TRPM3: variants seen among roughly 807,000 people sequenced by gnomAD.
TRPM3 encodes transient receptor potential cation channel subfamily M member 3.
A neutral mutation model predicts 181.2 loss-of-function variants in TRPM3; 77 were observed. The observed-to-expected ratio is 0.42, with a 90% CI of 0.35 to 0.51. The LOEUF is 0.51. Ranked by LOEUF, TRPM3 falls within the 20% of genes least tolerant of loss-of-function variation. TRPM3 has a pLI of 0.01. For missense variants in TRPM3, 1,759 were observed against 2,196.7 expected (o/e 0.80, Z 3.98); for synonymous variants, 745 against 796.4 (o/e 0.94, Z 1.09).
intron 1 of TRPM3, among the ~76,000 whole-genome samples, chr9:71,345,595 G>T (rs1183797375): frequency 6.6e-6 from 1 of 151,904 alleles, no homozygotes; most frequent in Admixed American, 6.6e-5. Context: ...GTCGGGGGGT[G>T]GGGGGCAAGG....
chr9:70,807,741 T>C (rs2091017286), intron 6 of TRPM3, among the ~76,000 whole-genome samples: 1 of 152,134 alleles, frequency 6.6e-6, no homozygotes, highest in Admixed American at 6.5e-5. Flanking sequence ...GAAGGCTCCA[T>C]TCTACCAAAA....
chr9:71,235,041 T>C (rs916227592), intron 1 of TRPM3, among the ~76,000 whole-genome samples: 140 of 152,366 alleles, frequency 9.2e-4, no homozygotes, highest in African/African-American at 3.2e-3. Flanking sequence ...ATCTGGGTCC[T>C]GATGACAGCG....
chr9:71,156,417 ACAC>A (rs1328463681), intron 1 of TRPM3, among the ~76,000 whole-genome samples: 1,461 of 142,682 alleles, frequency 0.01, 23 homozygotes, highest in African/African-American at 0.036. Flanking sequence ...ACACACACAC[ACAC>A]AAGGCTTATC....
intron 9 of TRPM3, among the ~76,000 whole-genome samples, chr9:70,643,740 T>C (rs2058412677): frequency 6.6e-6 from 1 of 152,260 alleles, no homozygotes; most frequent in Admixed American, 6.5e-5. Context: ...CTTTAAAATA[T>C]ACTCATGCCT....
intron 5 of TRPM3, among the ~76,000 whole-genome samples, chr9:70,829,728 A>G (rs371140531): frequency 5.3e-5 from 8 of 152,150 alleles, no homozygotes; most frequent in African/African-American, 1.4e-4. Flanking sequence ...TAGTAATTGC[A>G]TGGAGCAGTA....
chr9:71,138,438 T>A (rs978461473), intron 1 of TRPM3, among the ~76,000 whole-genome samples: 1 of 152,208 alleles, frequency 6.6e-6, no homozygotes, highest in Non-Finnish European at 1.5e-5. Context: ...TACTTTTAAT[T>A]TGCTTTTGGG....
chr9:71,230,275 C>T (rs1209490781), intron 1 of TRPM3, among the ~76,000 whole-genome samples: 6 of 151,844 alleles, frequency 4.0e-5, no homozygotes, highest in Non-Finnish European at 7.4e-5. Flanking sequence ...AACAATTGAA[C>T]TTGTGCAGAT....
At chr9:71,107,272 A>C (rs2069871175) in intron 1 of TRPM3, among the ~76,000 whole-genome samples, 1 of 152,144 alleles carries the variant, frequency 6.6e-6, no homozygotes, top group Non-Finnish European at 1.5e-5. Context: ...AATCTCTAGC[A>C]TGCGTCCTTG....
chr9:71,039,989 C>A (rs982408129), intron 1 of TRPM3, among the ~76,000 whole-genome samples: 14 of 152,162 alleles, frequency 9.2e-5, no homozygotes, highest in African/African-American at 3.4e-4. Flanking sequence ...AAAAACTAAA[C>A]TGTTTCCTTG....
chr9:70,767,777 T>G (rs1490054404), intron 7 of TRPM3, among the ~76,000 whole-genome samples: 2 of 152,152 alleles, frequency 1.3e-5, no homozygotes, highest in African/African-American at 4.8e-5. Flanking sequence ...GCATTGCTCT[T>G]TCCCTGCTGG....
intron 3 of TRPM3, among the ~76,000 whole-genome samples, chr9:70,857,144 T>C (rs950911116): frequency 1.3e-5 from 2 of 152,196 alleles, no homozygotes; most frequent in Non-Finnish European, 2.9e-5. Context: ...TTTGTCTCTA[T>C]GTTCTGACAT....
At chr9:71,307,108 A>C (rs2087420440) in intron 1 of TRPM3, among the ~76,000 whole-genome samples, 1 of 152,104 alleles carries the variant, frequency 6.6e-6, no homozygotes, top group African/African-American at 2.4e-5. Context: ...TTCCTTCTTA[A>C]TCTGGAATGC....
intron 1 of TRPM3, among the ~76,000 whole-genome samples, chr9:70,960,662 C>T (rs1378540178): frequency 6.6e-6 from 1 of 152,154 alleles, no homozygotes; most frequent in Non-Finnish European, 1.5e-5. Flanking sequence ...ATAAAACAAG[C>T]TGAGGCTGTA....
intron 24 of TRPM3, among the ~76,000 whole-genome samples, chr9:70,552,533 G>A (rs1193787107): frequency 6.6e-6 from 1 of 152,180 alleles, no homozygotes; most frequent in Non-Finnish European, 1.5e-5. Context: ...ATTTTGGGTT[G>A]AGATCTCTGG....
intron 6 of TRPM3, among the ~76,000 whole-genome samples, chr9:70,802,027 C>A (rs774580107): frequency 6.6e-6 from 1 of 152,180 alleles, no homozygotes; most frequent in African/African-American, 2.4e-5. Context: ...TTCTGATCAG[C>A]AGGTCTAGAA....
At chr9:70,647,827 T>C (rs2059100278) in intron 9 of TRPM3, among the ~76,000 whole-genome samples, 1 of 152,178 alleles carries the variant, frequency 6.6e-6, no homozygotes, top group African/African-American at 2.4e-5. Context: ...CAAGAACTGA[T>C]AAACAACTTC....
At chr9:71,011,782 G>GTTTTTTT in intron 1 of TRPM3, among the ~76,000 whole-genome samples, 1 of 93,240 alleles carries the variant, frequency 1.1e-5, no homozygotes, top group Non-Finnish European at 2.2e-5. Context: ...TTTTTTTTTT[G>GTTTTTTT]TTTTTTTGTT....
intron 1 of TRPM3, among the ~76,000 whole-genome samples, chr9:71,098,978 C>A (rs574933894): frequency 6.6e-6 from 1 of 152,130 alleles, no homozygotes; most frequent in Non-Finnish European, 1.5e-5. Flanking sequence ...GCTACTCACA[C>A]GAGGAGGAAG....
chr9:71,261,895 C>A (rs764744229), intron 1 of TRPM3, among the ~76,000 whole-genome samples: 21 of 152,186 alleles, frequency 1.4e-4, no homozygotes, highest in Non-Finnish European at 2.2e-4. Flanking sequence ...CAGAGGGGCA[C>A]CTGCCAGATG....
Sources: allele counts gnomAD v4.1 joint callset (sites outside exome capture counted in the v4.1 genomes callset), GRCh38; gene constraint gnomAD v4.1.1; transcripts MANE v1.5; gene names NCBI Gene and HGNC (gene_info 2026-07-23, HGNC 2026-07-21).